Variants in PRKAR2B observed in about 807,000 individuals in gnomAD.
PRKAR2B encodes cAMP-dependent protein kinase type II-beta regulatory subunit.
A neutral mutation model predicts 49.9 loss-of-function variants in PRKAR2B; 14 were observed. The observed-to-expected ratio is 0.28, with a 90% CI of 0.19 to 0.44. The LOEUF (loss-of-function observed/expected upper bound fraction) is 0.44, where lower values mean the gene tolerates loss of function less well. PRKAR2B is among the 20% of genes least tolerant of loss of function. The probability of loss-of-function intolerance (pLI) is 1.00; values close to 1 mark genes in which losing one functional copy is unlikely to be tolerated. For missense variants in PRKAR2B, 393 were observed against 537.9 expected (o/e 0.73, Z 2.67); for synonymous variants, 196 against 197.7 (o/e 0.99, Z 0.07).
At chr7:107,146,162 G>T in intron 5 of PRKAR2B, 146 bp from the exon 6 acceptor site, 1 of 790,080 alleles carries the variant, frequency 1.3e-6, no homozygotes, top group Non-Finnish European at 2.0e-6. Flanking sequence ...GGAACAGATG[G>T]CACAGATTGA....
chr7:107,137,138 T>C (rs562464167), intron 4 of PRKAR2B, among the ~76,000 whole-genome samples: 1 of 152,332 alleles, frequency 6.6e-6, no homozygotes, highest in Admixed American at 6.5e-5. Context: ...GCTAGACAGC[T>C]CTCATTCCTA....
At chr7:107,127,006 A>G (rs1795508396) in intron 3 of PRKAR2B, among the ~76,000 whole-genome samples, 2 of 152,362 alleles carry the variant, frequency 1.3e-5, no homozygotes, top group Admixed American at 6.5e-5. Flanking sequence ...TAAATGGTAT[A>G]TATATCAATA....
At chr7:107,152,863 A>G (rs187795022) in intron 7 of PRKAR2B, among the ~76,000 whole-genome samples, 2 of 152,330 alleles carry the variant, frequency 1.3e-5, no homozygotes, top group East Asian at 3.9e-4. Flanking sequence ...AAGAAAACCA[A>G]GCCAGGAAGG....
At chr7:107,061,826 G>A (rs1201137495) in intron 1 of PRKAR2B, among the ~76,000 whole-genome samples, 1 of 152,164 alleles carries the variant, frequency 6.6e-6, no homozygotes, top group African/African-American at 2.4e-5. Context: ...GAACCGGGAT[G>A]GCGAAGGTTG....
chr7:107,126,978 G>A (rs1795507609), intron 3 of PRKAR2B, among the ~76,000 whole-genome samples: 1 of 152,094 alleles, frequency 6.6e-6, no homozygotes, highest in Non-Finnish European at 1.5e-5. Flanking sequence ...CTTTCATGTA[G>A]TCTTTACATA....
At chr7:107,086,996 A>G (rs571359293) in intron 2 of PRKAR2B, among the ~76,000 whole-genome samples, 15 of 152,226 alleles carry the variant, frequency 9.9e-5, no homozygotes, top group Non-Finnish European at 1.8e-4. Flanking sequence ...TGGCTTTAAA[A>G]TAATTACAGA....
In PRKAR2B at chr7:107,044,967, G is replaced by T. The variant is rs771854597; in HGVS notation, c.60G>T (p.Val20=). ...TGCTGCAGGGCTTCACGGTGGAGGT[G>T]CTGAGGCACCAGCCCGCGGACCTGC... ...TELLQGFTVE[V]LRHQPADLLE... The change falls in exon 1 of 11, where the codon GTG becomes GTT. Residue 20 remains valine (V), a synonymous_variant. Coordinates refer to ENST00000265717, the MANE Select transcript of PRKAR2B (RefSeq NM_002736.3). 5.7e-6 allele frequency: 9 copies of T among 1,589,582 alleles called. No homozygotes were observed. In the Admixed American group the frequency reaches 1.6e-4, roughly 28 times the overall value.
chr7:107,123,999 A>G (rs1171736360), intron 3 of PRKAR2B, among the ~76,000 whole-genome samples: 4 of 152,198 alleles, frequency 2.6e-5, no homozygotes, highest in African/African-American at 9.6e-5. Context: ...AATTATTTAG[A>G]TGTAGAAGGA....
At chr7:107,128,153 T>C (rs1795531935) in intron 3 of PRKAR2B, 59 bp from the exon 4 acceptor site, 1 of 1,102,278 alleles carries the variant, frequency 9.1e-7, no homozygotes, top group Non-Finnish European at 1.4e-6. Context: ...TTTTAAAATC[T>C]CTTTGAGTGA....
Position 107,044,826 on chromosome 7 carries a change from T to C in PRKAR2B, c.-82T>C. ...GGTAGCGCGCCAGCGCCGTAGGCGC[T>C]CGCTCGGCAGCCGCGGGGCCCTAGG... is the stretch of plus-strand genomic sequence containing the variant. On this transcript the variant is annotated 5_prime_UTR_variant, in exon 1 of 11. Transcript: ENST00000265717. The C allele has an allele frequency of 8.5e-7, 1 of 1,174,910 alleles. No individual in the cohort carries two copies. The highest frequency in any genetic ancestry group is 1.1e-6 in the Non-Finnish European group (1 of 922,922). The allele number at this position is 1,174,910 out of a possible 1,614,324, so 72.8% of individuals were successfully genotyped here.
chr7:107,091,414 T>C (rs918514548), intron 2 of PRKAR2B, among the ~76,000 whole-genome samples: 2 of 151,860 alleles, frequency 1.3e-5, no homozygotes, highest in African/African-American at 4.8e-5. Flanking sequence ...CAGAGGAGGG[T>C]GCATCATGAC....
At chr7:107,142,854 C>A (rs1050313713) in intron 5 of PRKAR2B, among the ~76,000 whole-genome samples, 2 of 152,078 alleles carry the variant, frequency 1.3e-5, no homozygotes, top group Non-Finnish European at 2.9e-5. Context: ...CCTCTGCCTC[C>A]CAGTTTCAAG....
chr7:107,118,822 C>CTAA (rs1795337542), intron 2 of PRKAR2B, among the ~76,000 whole-genome samples: 2 of 152,098 alleles, frequency 1.3e-5, no homozygotes, highest in Admixed American at 6.6e-5. Flanking sequence ...TGATAAGGAG[C>CTAA]TTTATAAGGC....
chr7:107,144,975 C>T (rs910018422), intron 5 of PRKAR2B, among the ~76,000 whole-genome samples: 3 of 151,830 alleles, frequency 2.0e-5, no homozygotes, highest in African/African-American at 7.3e-5. Flanking sequence ...ATGCAGTTTA[C>T]GTGAATATAG....
intron 6 of PRKAR2B, among the ~76,000 whole-genome samples, chr7:107,147,752 C>G (rs1056931321): frequency 5.9e-5 from 9 of 152,154 alleles, no homozygotes; most frequent in African/African-American, 2.2e-4. Flanking sequence ...TTGAAAATAG[C>G]CCACCCACTA....
chr7:107,089,929 T>C (rs901108100), intron 2 of PRKAR2B, among the ~76,000 whole-genome samples: 5 of 152,244 alleles, frequency 3.3e-5, no homozygotes, highest in African/African-American at 1.2e-4. Flanking sequence ...TTTGAATCTG[T>C]CATCTTGCAA....
chr7:107,131,567 C>T (rs957376687), intron 4 of PRKAR2B, among the ~76,000 whole-genome samples: 1 of 151,980 alleles, frequency 6.6e-6, no homozygotes, highest in African/African-American at 2.4e-5. Context: ...TTGTCATGAT[C>T]GAATGTTTTA....
chr7:107,123,363 A>C (rs925092813), intron 3 of PRKAR2B, among the ~76,000 whole-genome samples: 11 of 152,332 alleles, frequency 7.2e-5, no homozygotes, highest in Admixed American at 3.3e-4. Context: ...TGGGGAGGCT[A>C]TACCAGTTAA....
intron 2 of PRKAR2B, among the ~76,000 whole-genome samples, chr7:107,089,482 T>C (rs1404907101): frequency 3.3e-5 from 5 of 152,228 alleles, no homozygotes; most frequent in Non-Finnish European, 7.3e-5. Flanking sequence ...TACTGCGTTA[T>C]ATATAAATGG....
Sources: gnomAD v4.1 joint callset for allele counts (sites outside exome capture counted in the v4.1 genomes callset) on GRCh38, gnomAD v4.1.1 for gene constraint, MANE v1.5 for transcripts, NCBI Gene and HGNC (gene_info 2026-07-23, HGNC 2026-07-21) for gene names.